Variants in SCML2 observed in about 807,000 individuals in gnomAD.
The protein encoded by SCML2 is sex comb on midleg-like protein 2.
Under a neutral mutation model 48.4 loss-of-function variants are expected in SCML2, and 6 were observed. That is an observed-to-expected ratio of 0.12 (90% CI 0.07 to 0.24). SCML2 has a LOEUF of 0.24. Among genes scored for constraint, SCML2 ranks in the 10% least tolerant of loss-of-function variants. SCML2 has a pLI of 1.00. For synonymous variants in SCML2, 181 were observed against 189.5 expected (o/e 0.95, Z 0.37); for missense variants, 377 against 528.2 (o/e 0.71, Z 2.81).
chrX:18,311,569 G>A (rs1420235340), intron 6 of SCML2, among the ~76,000 whole-genome samples: 1 of 112,012 alleles, frequency 8.9e-6, no homozygotes, highest in Non-Finnish European at 1.9e-5. Flanking sequence ...AGCAGGAGCT[G>A]TGTCTGAAAT....
chrX:18,287,943 A>T (rs1257598247), intron 7 of SCML2, among the ~76,000 whole-genome samples: 1 of 111,733 alleles, frequency 8.9e-6, no homozygotes, highest in Non-Finnish European at 1.9e-5. Flanking sequence ...ATTGCTACTC[A>T]TATGTGCTTA....
intron 7 of SCML2, among the ~76,000 whole-genome samples, chrX:18,297,942 G>T (rs2147515769): frequency 9.0e-6 from 1 of 111,715 alleles, no homozygotes; most frequent in South Asian, 3.8e-4. Context: ...CCAGGAGGTG[G>T]AAGCTGTATT....
intron 7 of SCML2, 28 bp from the exon 8 acceptor site, chrX:18,265,830 A>T: frequency 9.3e-7 from 1 of 1,071,005 alleles, no homozygotes; most frequent in Admixed American, 2.3e-5. Context: ...AAAAATATTA[A>T]AGTAAATGAC....
intron 6 of SCML2, among the ~76,000 whole-genome samples, chrX:18,309,415 C>A (rs1439319699): frequency 1.8e-5 from 2 of 111,679 alleles, no homozygotes; most frequent in African/African-American, 6.5e-5. Context: ...TTCGACCCAG[C>A]AATCCCATTA....
intron 13 of SCML2, among the ~76,000 whole-genome samples, chrX:18,245,792 T>C (rs768017817): frequency 8.9e-6 from 1 of 112,215 alleles, no homozygotes; most frequent in South Asian, 3.7e-4. Flanking sequence ...TAGGCTGGAA[T>C]GCAATGGCGC....
chrX:18,345,540 C>T (rs1448034570), intron 1 of SCML2, among the ~76,000 whole-genome samples: 1 of 109,563 alleles, frequency 9.1e-6, no homozygotes, highest in Non-Finnish European at 1.9e-5. Flanking sequence ...TACAGGCACA[C>T]ACCACCATAC....
Position 18,265,518 on chromosome X carries a change from T to C in SCML2, c.948+67A>G, listed in dbSNP as rs1279688931. 1.4e-5 allele frequency: 12 copies of C among 851,382 alleles called. No individual in the cohort carries two copies. The Admixed American group carries it at 2.5e-4, about 18-fold the overall frequency. The allele number at this position is 851,382 out of a possible 1,213,427, so 70.2% of individuals were successfully genotyped here. A position where few individuals can be genotyped will look rare whatever the true frequency, so the allele number is the denominator to read the frequency against. On this transcript the variant is annotated intron_variant, in intron 8 of 14. Coordinates refer to ENST00000251900, the MANE Select transcript of SCML2 (RefSeq NM_006089.3). ...ATCATACTCTTAGTAAATTCCTAAA[T>C]TGTATGTTATAAATAATAAGGCACT...
chrX:18,354,391 G>A (rs1262781074), intron 1 of SCML2, among the ~76,000 whole-genome samples: 1 of 111,914 alleles, frequency 8.9e-6, no homozygotes, highest in African/African-American at 3.2e-5. Flanking sequence ...ATCGGCTGAA[G>A]GGCGTCCGCG....
chrX:18,340,386 G>A (rs1265499338), intron 1 of SCML2, among the ~76,000 whole-genome samples: 2 of 112,499 alleles, frequency 1.8e-5, no homozygotes, highest in African/African-American at 3.2e-5. Flanking sequence ...TCCAGCTTGC[G>A]CAACAGAGTG....
intron 7 of SCML2, among the ~76,000 whole-genome samples, chrX:18,302,144 C>CT (rs1339081957): frequency 1.4e-4 from 15 of 106,632 alleles, no homozygotes; most frequent in African/African-American, 2.4e-4. Flanking sequence ...TTTTCTTTTT[C>CT]TTTTTTTTTT....
At chrX:18,309,666 C>A (rs1928884138) in intron 6 of SCML2, among the ~76,000 whole-genome samples, 3 of 111,749 alleles carry the variant, frequency 2.7e-5, no homozygotes, top group African/African-American at 9.8e-5. Flanking sequence ...CCTAAAGGAA[C>A]AGATAAACCA....
chrX:18,338,933 A>G (rs1042673755), intron 1 of SCML2, among the ~76,000 whole-genome samples: 10 of 97,857 alleles, frequency 1.0e-4, no homozygotes, highest in African/African-American at 3.5e-4. Context: ...AAAAAAAAAA[A>G]AGAAAGAAAA....
chrX:18,328,365 C>T (rs971410465), intron 3 of SCML2, among the ~76,000 whole-genome samples: 3 of 111,426 alleles, frequency 2.7e-5, no homozygotes, highest in African/African-American at 9.8e-5. Context: ...TCTATCTTGC[C>T]CACTAAGCTC....
At chrX:18,319,618 A>C (rs1238210463) in intron 6 of SCML2, among the ~76,000 whole-genome samples, 1 of 109,371 alleles carries the variant, frequency 9.1e-6, no homozygotes, top group Non-Finnish European at 1.9e-5. Context: ...CAAAAAAAAA[A>C]AAACCTGCTG....
intron 13 of SCML2, among the ~76,000 whole-genome samples, chrX:18,244,790 A>T (rs1030409009): frequency 9.0e-6 from 1 of 111,390 alleles, no homozygotes; most frequent in African/African-American, 3.3e-5. Context: ...AATAAAGATC[A>T]GCAATATTTT....
chrX:18,344,795 A>G (rs1930146646), intron 1 of SCML2, among the ~76,000 whole-genome samples: 1 of 111,240 alleles, frequency 9.0e-6, no homozygotes, highest in Non-Finnish European at 1.9e-5. Flanking sequence ...CGGCAGCGTG[A>G]AAACAGACTA....
At chrX:18,269,172 T>TAAA (rs1927362237) in intron 7 of SCML2, among the ~76,000 whole-genome samples, 2 of 112,165 alleles carry the variant, frequency 1.8e-5, no homozygotes, top group South Asian at 7.4e-4. Flanking sequence ...GACCTCTTTT[T>TAAA]AGTTACTGAG....
rs1446020616 is a variant in SCML2 at position 18,354,053 on chromosome X, AG to A, written c.-25+538del. The stretch of plus-strand genomic sequence containing the variant: ...GCTAGGGTGAGCCACCGGCGCCCCC[AG>A]CCCCCGCCAGGAGCCCGGCGGCGCG... On this transcript the variant is annotated intron_variant, in intron 1 of 14. Transcript: ENST00000251900. Among the ~76,000 whole-genome samples, 61 of 112,095 alleles carry A rather than the reference AG, an allele frequency of 5.4e-4. 1 individual carries two copies. The highest frequency in any genetic ancestry group is 1.9e-3 in the African/African-American group (60 of 30,970).
At chrX:18,260,018 T>C (rs1458822012) in intron 9 of SCML2, among the ~76,000 whole-genome samples, 153 bp downstream of exon 9, 1 of 112,254 alleles carries the variant, frequency 8.9e-6, no homozygotes, top group Non-Finnish European at 1.9e-5. Flanking sequence ...CAATCAGAAT[T>C]TCAAAATACT....
Sources: gnomAD v4.1 joint callset for allele counts (sites outside exome capture counted in the v4.1 genomes callset) on GRCh38, gnomAD v4.1.1 for gene constraint, MANE v1.5 for transcripts, NCBI Gene and HGNC (gene_info 2026-07-23, HGNC 2026-07-21) for gene names.